MYO7B: variants seen among roughly 807,000 people sequenced by gnomAD.
MYO7B encodes the protein myosin VIIB.
MYO7B carries 212 observed loss-of-function variants against 259.7 expected under a neutral mutation model. That is an observed-to-expected ratio of 0.82 (90% CI 0.73 to 0.91). The LOEUF (loss-of-function observed/expected upper bound fraction) is 0.91, where lower values mean the gene tolerates loss of function less well. Ranked by LOEUF, MYO7B falls within the 40% of genes least tolerant of loss-of-function variation. The probability of loss-of-function intolerance (pLI) is 0.00; values close to 1 mark genes in which losing one functional copy is unlikely to be tolerated. For missense variants in MYO7B, 2,732 were observed against 2,813.5 expected (o/e 0.97, Z 0.66); for synonymous variants, 1,197 against 1,166.4 (o/e 1.03, Z -0.54).
At chr2:127,575,209 C>G (rs1049487250) in intron 7 of MYO7B, among the ~76,000 whole-genome samples, 4 of 152,184 alleles carry the variant, frequency 2.6e-5, no homozygotes, top group Admixed American at 1.3e-4. Context: ...AGAGGTAGGT[C>G]TCTTTATCCC....
At chr2:127,574,875 G>T (rs1678798676) in intron 7 of MYO7B, among the ~76,000 whole-genome samples, 1 of 152,206 alleles carries the variant, frequency 6.6e-6, no homozygotes, top group African/African-American at 2.4e-5. Context: ...TGCACTGGGC[G>T]ATCATGTAGC....
At chr2:127,630,287 C>T (rs1681399116) in intron 35 of MYO7B, among the ~76,000 whole-genome samples, 1 of 152,198 alleles carries the variant, frequency 6.6e-6, no homozygotes, top group African/African-American at 2.4e-5. Context: ...ACCCTCAGGG[C>T]AGACATTTGG....
rs1558808844 is a variant in MYO7B, at chr2:127,574,038, G to A, written c.711G>A (p.Leu237=). Residue 237 remains leucine (L), a synonymous_variant, in exon 7 of 48, where the codon CTG becomes CTA. Coordinates refer to ENST00000409816, the MANE Select transcript of MYO7B (RefSeq NM_001393586.1). ...IEGARIEQFL[L]EKSRVCRQAP... ...GCGCGCGCATCGAGCAATTTCTCCT[G>A]GAGAAGTCCCGGGTCTGCCGGCAGG... The A allele has an allele frequency of 5.0e-6, 8 of 1,613,982 alleles. No individual in the cohort carries two copies. The highest frequency in any genetic ancestry group is 5.9e-6 in the Non-Finnish European group (7 of 1,179,882).
chr2:127,636,712 GTC>G lies in MYO7B; in HGVS notation c.6208-81_6208-80del. 6.2e-7 allele frequency: 1 copy of G among 1,610,018 alleles called. No individual in the cohort carries two copies. The highest frequency in any genetic ancestry group is 1.1e-5 in the South Asian group (1 of 90,782). On this transcript the variant is annotated intron_variant, in intron 46 of 47. Transcript: ENST00000409816. This position sits in a 1 kb window ranked among gnomAD's most constrained non-coding sequence, Gnocchi z 4.5. Reference sequence around the variant, plus strand: ...GGGGCTGCAGTCATCTCTGCGGTGTGTCCTGCCTCTCTCCTGTCCCCTAACAC... The same window carrying G: ...GGGGCTGCAGTCATCTCTGCGGTGTGCTGCCTCTCTCCTGTCCCCTAACAC...
Position 127,609,903 on chromosome 2 carries a change from C to A in MYO7B, c.3079C>A (p.Pro1027Thr). 1 of 1,611,452 alleles carries A rather than the reference C, an allele frequency of 6.2e-7. No individual in the cohort carries two copies. Among genetic ancestry groups the A allele is most frequent in the Non-Finnish European group, 8.5e-7 (1 of 1,178,716 alleles). The change falls in exon 24 of 48, where the codon CCA becomes ACA. Residue 1027 changes from proline (P) to threonine (T), a missense_variant. Pro to Thr is a conservative substitution (Grantham distance 38). Around this residue, in one of 3 missense-constraint regions of MYO7B, gnomAD observed 1,906 missense variants for 2,026.4 expected, o/e 0.94. Transcript: ENST00000409816. The surrounding 1 kb of genome is among the most constrained non-coding windows in gnomAD (Gnocchi z 6.9). ...GAGGTTCATGGGTGATCTCCCAGAG[C>A]CAGTGCTGTATGCCAGGAGCAGCCA... ...ILRFMGDLPE[P>T]VLYARSSQQG...
chr2:127,636,791 C>T lies in MYO7B; in HGVS notation c.6208-3C>T, dbSNP rs779941355. Reference sequence around the variant, plus strand: ...CCGGCCCACCCACCCTCTCTGCCCCCAGGACCTGCTCACCACCTATCCCTT... The same window carrying T: ...CCGGCCCACCCACCCTCTCTGCCCCTAGGACCTGCTCACCACCTATCCCTT... On this transcript the variant is annotated splice_region_variant and splice_polypyrimidine_tract_variant and intron_variant, in intron 46 of 47. Transcript: ENST00000409816. The surrounding 1 kb of genome is among the most constrained non-coding windows in gnomAD (Gnocchi z 4.5). 1 of 1,613,522 alleles carries T rather than the reference C, an allele frequency of 6.2e-7. No homozygotes were observed. The highest frequency in any genetic ancestry group is 1.1e-5 in the South Asian group (1 of 91,068).
Position 127,566,656 on chromosome 2 carries a change from C to G in MYO7B, c.299C>G (p.Ser100Cys). ...CTTCCTTCCCAGACATACACAGGCT[C>G]CATCCTGGTGGCCGTCAACCCGTTC... ...QQHKIYTYTG[S>C]ILVAVNPFQV... is the part of the protein sequence containing the mutation. The change falls in exon 5 of 48, where the codon TCC (serine) becomes TGC (cysteine). Residue 100 changes from serine to cysteine, a missense_variant. By Grantham distance (112) the Ser-to-Cys change is moderately radical. Coordinates refer to ENST00000409816, the MANE Select transcript of MYO7B (RefSeq NM_001393586.1). The G allele has an allele frequency of 6.3e-7, 1 of 1,591,682 alleles. No individual in the cohort carries two copies. Among genetic ancestry groups the G allele is most frequent in the South Asian group, 1.1e-5 (1 of 87,942 alleles).
chr2:127,606,369 G>T (rs1215680701), intron 20 of MYO7B, among the ~76,000 whole-genome samples: 1 of 152,206 alleles, frequency 6.6e-6, no homozygotes, highest in East Asian at 1.9e-4. Context: ...CTGTGCCTGT[G>T]TCACTTGGCC....
At chr2:127,565,475 C>G in intron 4 of MYO7B, 90 bp downstream of exon 4, 8 of 1,500,464 alleles carry the variant, frequency 5.3e-6, no homozygotes, top group Non-Finnish European at 7.3e-6. Flanking sequence ...ACAGGGGGCA[C>G]TGCCCCCCAT....
At position 127,609,768 on chromosome 2, in the gene MYO7B, G is replaced by A; in HGVS notation, c.3024+53G>A. ...ATCAGGCCAGCCCCGAGCCTGGGGT[G>A]TGAGCTATGGCTCGGGGAAAGAAGG... is the stretch of plus-strand genomic sequence containing the variant. On this transcript the variant is annotated intron_variant, in intron 23 of 47. Coordinates refer to ENST00000409816, the MANE Select transcript of MYO7B (RefSeq NM_001393586.1). This position sits in a 1 kb window ranked among gnomAD's most constrained non-coding sequence, Gnocchi z 6.9. 1 of 1,611,744 alleles carries A rather than the reference G, an allele frequency of 6.2e-7. No individual in the cohort carries two copies. Among genetic ancestry groups the A allele is most frequent in the Non-Finnish European group, 8.5e-7 (1 of 1,178,030 alleles).
intron 16 of MYO7B, among the ~76,000 whole-genome samples, chr2:127,592,073 C>T (rs1409024748): frequency 6.6e-6 from 1 of 152,212 alleles, no homozygotes; most frequent in Non-Finnish European, 1.5e-5. Flanking sequence ...TCCACCCCGA[C>T]CTATGTAGGC....
chr2:127,636,003 G>A lies in MYO7B; in HGVS notation c.6006+96G>A. Reference sequence around the variant, plus strand: ...CCTGCCTGGGCTCCAAGATCACATGGGTGCACATGGGTGGTGTGGAGGGTG... The same window carrying A: ...CCTGCCTGGGCTCCAAGATCACATGAGTGCACATGGGTGGTGTGGAGGGTG... On this transcript the variant is annotated intron_variant, in intron 44 of 47. Transcript: ENST00000409816. This position sits in a 1 kb window ranked among gnomAD's most constrained non-coding sequence, Gnocchi z 4.5. 3 of 1,413,654 alleles carry A rather than the reference G, an allele frequency of 2.1e-6. No homozygotes were observed. Among genetic ancestry groups the A allele is most frequent in the African/African-American group, 2.9e-5 (2 of 69,972 alleles). 87.6% of individuals were successfully genotyped at this position (1,413,654 alleles called of 1,614,324 possible).
rs570585836 is a variant in MYO7B at position 127,613,783 on chromosome 2, A to G, written c.3398+1180A>G. 6.6e-6 allele frequency among the ~76,000 whole-genome samples: 1 copy of G among 152,356 alleles called. No individual in the cohort carries two copies. Among genetic ancestry groups the G allele is most frequent in the East Asian group, 1.9e-4 (1 of 5,190 alleles). On this transcript the variant is annotated intron_variant, in intron 26 of 47. Coordinates refer to ENST00000409816, the MANE Select transcript of MYO7B (RefSeq NM_001393586.1). The surrounding 1 kb of genome is among the most constrained non-coding windows in gnomAD (Gnocchi z 4.3). ...GCTGGACTCAAACTCTGTCTCCTCC[A>G]TGATGAGCAGAAGCTAGAATCCCTT...
intron 19 of MYO7B, among the ~76,000 whole-genome samples, chr2:127,598,726 A>T (rs981809691): frequency 2.0e-5 from 3 of 152,238 alleles, no homozygotes; most frequent in African/African-American, 7.2e-5. Flanking sequence ...GGTCCATGAT[A>T]CATTCCCATT....
At chr2:127,600,501 G>A (rs1424828190) in intron 19 of MYO7B, among the ~76,000 whole-genome samples, 1 of 152,208 alleles carries the variant, frequency 6.6e-6, no homozygotes, top group Non-Finnish European at 1.5e-5. Flanking sequence ...CCTGAGGTCA[G>A]GAGTCCGAGA....
At chr2:127,632,757 G>T (rs184073294) in intron 39 of MYO7B, among the ~76,000 whole-genome samples, 2 of 151,714 alleles carry the variant, frequency 1.3e-5, no homozygotes, top group East Asian at 3.9e-4. Flanking sequence ...TCCCTCATCC[G>T]CCCACAGCCG....
At chr2:127,633,144 GTCACTGGGGTTT>G in intron 39 of MYO7B, 102 bp from the exon 40 acceptor site, 1 of 790,394 alleles carries the variant, frequency 1.3e-6, no homozygotes, top group Admixed American at 2.5e-5. Context: ...CCCAGTGATG[GTCACTGGGGTTT>G]TCTTTTGTTT....
rs141056386 is a variant in MYO7B at position 127,553,979 on chromosome 2, T to C, written c.-23-5721T>C. Among the ~76,000 whole-genome samples, 579 of 152,352 alleles carry C rather than the reference T, an allele frequency of 3.8e-3. 3 individuals are homozygous for C. Among genetic ancestry groups the C allele is most frequent in the African/African-American group, 0.013 (546 of 41,584 alleles). On this transcript the variant is annotated intron_variant, in intron 1 of 47. Coordinates refer to ENST00000409816, the MANE Select transcript of MYO7B (RefSeq NM_001393586.1). ...GTTTTAACCATAAAAGGATGCTAGA[T>C]TTTGTCAAATGCTTTTTCTGCATCT...
chr2:127,552,557 G>T (rs540118738), intron 1 of MYO7B, among the ~76,000 whole-genome samples: 1 of 152,186 alleles, frequency 6.6e-6, no homozygotes, highest in African/African-American at 2.4e-5. Context: ...AGGAGGAGAC[G>T]TCTATGGTAT....
Sources: allele counts gnomAD v4.1 joint callset (sites outside exome capture counted in the v4.1 genomes callset), GRCh38; gene constraint gnomAD v4.1.1; regional missense constraint gnomAD v4.1.1; non-coding constraint Gnocchi (gnomAD v3.1); transcripts MANE v1.5; gene names NCBI Gene and HGNC (gene_info 2026-07-23, HGNC 2026-07-21).